The following PRPF8 variants were observed in gnomAD, a reference collection of about 807,000 sequenced individuals.
PRPF8 encodes the protein pre-mRNA-processing-splicing factor 8.
PRPF8 carries 64 observed loss-of-function variants against 285.9 expected under a neutral mutation model. The ratio of observed to expected loss-of-function variants is 0.22; its 90% CI spans 0.18 to 0.28. The LOEUF is 0.28. Among genes scored for constraint, PRPF8 ranks in the 10% least tolerant of loss-of-function variants. The pLI, the probability that PRPF8 is intolerant of heterozygous loss-of-function variation, is 1.00. For missense variants in PRPF8, 1,426 were observed against 3,026.7 expected, an observed-to-expected ratio of 0.47 and a Z score of 12.41; for synonymous variants, 1,325 against 1,118.2, an observed-to-expected ratio of 1.18 and a Z score of -3.69.
rs374611477 is a variant in PRPF8, at chr17:1,658,664, C to T, written c.5238G>A (p.Arg1746=). 7.4e-6 allele frequency: 12 copies of T among 1,614,218 alleles called. No individual in the cohort carries two copies. The African/African-American group carries it at 1.1e-4, about 14-fold the overall frequency. Residue 1746 remains arginine (R), a synonymous_variant, in exon 33 of 43, where the codon CGG becomes CGA. Transcript: ENST00000304992. The surrounding 1 kb of genome is among the most constrained non-coding windows in gnomAD (Gnocchi z 4.1). ...AATAGAGCTGTAGCCCCTTGCGGAT[C>T]CGTTCACGTAACACATACAGGGCAG... ...ANPALYVLRE[R]IRKGLQLYSS... is the part of the protein sequence containing the mutation.
chr17:1,658,851 G>C lies in PRPF8; in HGVS notation c.5139-88C>G, dbSNP rs747963983. The C allele has an allele frequency of 3.4e-6, 4 of 1,170,832 alleles. No individual in the cohort carries two copies. The highest frequency in any genetic ancestry group is 1.2e-5 in the South Asian group (1 of 80,744). 72.5% of individuals were successfully genotyped at this position (1,170,832 alleles called of 1,614,324 possible). A position where few individuals can be genotyped will look rare whatever the true frequency, so the allele number is the denominator to read the frequency against. ...GCTGCCAACTCTACAGAGGAAGAAA[G>C]ACTGTTCGCCAGGCTGACAACACTC... is the stretch of plus-strand genomic sequence containing the variant. On this transcript the variant is annotated intron_variant, in intron 32 of 42. Coordinates refer to ENST00000304992, the MANE Select transcript of PRPF8 (RefSeq NM_006445.4). This position sits in a 1 kb window ranked among gnomAD's most constrained non-coding sequence, Gnocchi z 4.1.
Position 1,659,134 on chromosome 17 carries a change from T to G in PRPF8, c.5138+223A>C. The G allele has an allele frequency of 1.5e-6, 1 of 659,878 alleles. No homozygotes were observed. Among genetic ancestry groups the G allele is most frequent in the South Asian group, 1.7e-5 (1 of 58,962 alleles). The allele number at this position is 659,878 out of a possible 1,614,324, so 40.9% of individuals were successfully genotyped here. On this transcript the variant is annotated intron_variant, in intron 32 of 42. Coordinates refer to ENST00000304992, the MANE Select transcript of PRPF8 (RefSeq NM_006445.4). The surrounding 1 kb of genome is among the most constrained non-coding windows in gnomAD (Gnocchi z 5.1). ...TCCGCCTCCCGGGTTCAAGTAATTC[T>G]CCCACCTCAACCTTCTGAGTAGCTG... is the stretch of plus-strand genomic sequence containing the variant.
At chr17:1,657,502 C>T (rs553294125) in intron 34 of PRPF8, among the ~76,000 whole-genome samples, 12 of 151,472 alleles carry the variant, frequency 7.9e-5, no homozygotes, top group Admixed American at 2.0e-4. Flanking sequence ...AAAATTTAGC[C>T]GGGCGTGGTG....
At position 1,661,145 on chromosome 17, in the gene PRPF8, C is replaced by T. The variant is rs779354849; in HGVS notation, c.4356G>A (p.Pro1452=). Residue 1452 remains proline, a synonymous_variant, in exon 28 of 43, where the codon CCG becomes CCA. Transcript: ENST00000304992. The surrounding 1 kb of genome is among the most constrained non-coding windows in gnomAD (Gnocchi z 7.3). ...CATGCCGCTGGTGTGTCCACCAGAA[C>T]GGATTCTGCTTCAAAACCTAGATGG... The part of the protein sequence containing the change: ...FKQYQVLKQN[P]FWWTHQRHDG... The T allele has an allele frequency of 4.3e-6, 7 of 1,614,032 alleles. No homozygotes were observed. The highest frequency in any genetic ancestry group is 2.7e-5 in the African/African-American group (2 of 74,912).
chr17:1,670,510 CAG>C (rs1273803212), intron 24 of PRPF8, among the ~76,000 whole-genome samples: 1 of 152,124 alleles, frequency 6.6e-6, no homozygotes, highest in Non-Finnish European at 1.5e-5. Flanking sequence ...TTTTTGGAGA[CAG>C]AGTCTCACCC....
chr17:1,668,566 G>A (rs540939261), intron 24 of PRPF8, among the ~76,000 whole-genome samples: 3 of 151,686 alleles, frequency 2.0e-5, no homozygotes, highest in South Asian at 4.2e-4. Flanking sequence ...GTTTCACCGC[G>A]TTAGCCAGGA....
At chr17:1,652,904 T>C (rs2151110732) in intron 39 of PRPF8, 1 of 166,652 alleles carries the variant, frequency 6.0e-6, no homozygotes, top group Non-Finnish European at 1.3e-5. Flanking sequence ...AACCTCATCC[T>C]CCTGAGTAGC....
chr17:1,677,764 G>C, intron 13 of PRPF8, 70 bp from the exon 14 acceptor site: 1 of 1,593,104 alleles, frequency 6.3e-7, no homozygotes, highest in East Asian at 2.2e-5. Flanking sequence ...AACCTGGGCA[G>C]AGGTGGGGCA....
In PRPF8 at chr17:1,674,811, C is replaced by A. The variant is rs1912524345; in HGVS notation, c.3061-131G>T. 4.0e-6 allele frequency: 4 copies of A among 995,352 alleles called. No homozygotes were observed. The East Asian group carries it at 9.5e-5, about 24-fold the overall frequency. 61.7% of individuals were successfully genotyped at this position (995,352 alleles called of 1,614,324 possible). On this transcript the variant is annotated intron_variant, in intron 20 of 42. Transcript: ENST00000304992. ...CCCGAGGCGGAGTTGTGCTCAGTCA[C>A]CCAGGCTGAGAGTGCACTGGCGCAA... is the stretch of plus-strand genomic sequence containing the variant.
At position 1,684,784 on chromosome 17, in the gene PRPF8, C is replaced by T. The variant is rs926673140; in HGVS notation, c.-16G>A. ...CCTTAAACGCCTGCCACGCACCCCA[C>T]AGGCCCTCACACAAGAGGCCGCTTT... On this transcript the variant is annotated 5_prime_UTR_variant, in exon 1 of 43. The change creates a new upstream start codon in the 5' untranslated region. Transcript: ENST00000304992. 1.6e-6 allele frequency: 1 copy of T among 608,292 alleles called. No individual in the cohort carries two copies. Among genetic ancestry groups the T allele is most frequent in the Non-Finnish European group, 2.9e-6 (1 of 340,152 alleles). 37.7% of individuals were successfully genotyped at this position (608,292 alleles called of 1,614,324 possible).
Position 1,659,640 on chromosome 17 carries a change from C to G in PRPF8, c.4947-92G>C. The G allele has an allele frequency of 1.3e-6, 2 of 1,486,970 alleles. No individual in the cohort carries two copies. The highest frequency in any genetic ancestry group is 1.9e-6 in the Non-Finnish European group (2 of 1,077,604). The allele number at this position is 1,486,970 out of a possible 1,614,324, so 92.1% of individuals were successfully genotyped here. A position where few individuals can be genotyped will look rare whatever the true frequency, so the allele number is the denominator to read the frequency against. The stretch of plus-strand genomic sequence containing the variant: ...CCACTTAAATCCCAAAACCATCCCA[C>G]CCACTCCACCAACTTGTTCCAGGTC... On this transcript the variant is annotated intron_variant, in intron 31 of 42. Coordinates refer to ENST00000304992, the MANE Select transcript of PRPF8 (RefSeq NM_006445.4). This position sits in a 1 kb window ranked among gnomAD's most constrained non-coding sequence, Gnocchi z 5.1.
intron 2 of PRPF8, among the ~76,000 whole-genome samples, chr17:1,684,171 G>A (rs1351031486): frequency 2.0e-5 from 3 of 152,138 alleles, no homozygotes; most frequent in South Asian, 2.1e-4. Flanking sequence ...ACAACCGTGA[G>A]CCACCGCGCC....
In PRPF8 at chr17:1,676,945, T is replaced by A; in HGVS notation, c.2181+31A>T. 2 of 1,611,246 alleles carry A rather than the reference T, an allele frequency of 1.2e-6. No homozygotes were observed. Among genetic ancestry groups the A allele is most frequent in the Admixed American group, 3.3e-5 (2 of 60,020 alleles). Reference sequence around the variant, plus strand: ...TAATCCTACCCTAAAGACGGATGTTTACGCCTCCAAGGAAATAAAGAGACA... The same window carrying A: ...TAATCCTACCCTAAAGACGGATGTTAACGCCTCCAAGGAAATAAAGAGACA... On this transcript the variant is annotated intron_variant, in intron 15 of 42. Coordinates refer to ENST00000304992, the MANE Select transcript of PRPF8 (RefSeq NM_006445.4). The surrounding 1 kb of genome is among the most constrained non-coding windows in gnomAD (Gnocchi z 6.3).
chr17:1,660,394 ACT>A (rs1437819535), intron 30 of PRPF8, 36 bp downstream of exon 30: 5 of 1,612,780 alleles, frequency 3.1e-6, no homozygotes, highest in East Asian at 4.5e-5. Flanking sequence ...ACCTGAGCTG[ACT>A]CTCTACAGTA....
chr17:1,669,582 A>G (rs532400069), intron 24 of PRPF8, among the ~76,000 whole-genome samples: 41 of 152,132 alleles, frequency 2.7e-4, no homozygotes, highest in African/African-American at 8.9e-4. Flanking sequence ...CCACTCACTC[A>G]CTTCCCATGA....
rs1194547254 is a variant in PRPF8, at chr17:1,658,767, T to A, written c.5139-4A>T. 1.5e-5 allele frequency: 25 copies of A among 1,613,546 alleles called. No homozygotes were observed. Among genetic ancestry groups the A allele is most frequent in the Non-Finnish European group, 2.1e-5 (25 of 1,179,530 alleles). On this transcript the variant is annotated splice_region_variant and splice_polypyrimidine_tract_variant and intron_variant, in intron 32 of 42. Coordinates refer to ENST00000304992, the MANE Select transcript of PRPF8 (RefSeq NM_006445.4). The surrounding 1 kb of genome is among the most constrained non-coding windows in gnomAD (Gnocchi z 4.1). ...TGGGAACCAGTTTCCATAGGCACTG[T>A]GAGGATAAAAGGGTCAAGAAAAGTT...
In PRPF8 at chr17:1,656,580, A is replaced by C; in HGVS notation, c.5620-15T>G. ...AGTAAGTGCACCTAAGACAAGATCAAGTCCAAGATGAGAAACAGCCTGAAG... is the reference window on the plus strand; with the variant it reads ...AGTAAGTGCACCTAAGACAAGATCACGTCCAAGATGAGAAACAGCCTGAAG... On this transcript the variant is annotated splice_polypyrimidine_tract_variant and intron_variant, in intron 35 of 42. Transcript: ENST00000304992. The C allele has an allele frequency of 6.2e-7, 1 of 1,614,158 alleles. No individual in the cohort carries two copies. The highest frequency in any genetic ancestry group is 8.5e-7 in the Non-Finnish European group (1 of 1,180,020).
intron 14 of PRPF8, 105 bp from the exon 15 acceptor site, chr17:1,677,277 G>C: frequency 1.6e-6 from 2 of 1,228,644 alleles, no homozygotes; most frequent in South Asian, 2.4e-5. Flanking sequence ...ATAAAATTAG[G>C]TATTAACAAA....
intron 21 of PRPF8, 31 bp downstream of exon 21, chr17:1,674,411 T>C: frequency 1.3e-6 from 2 of 1,593,618 alleles, no homozygotes; most frequent in Non-Finnish European, 1.7e-6. Context: ...CTCAGTACCC[T>C]GCAAGGCTAG....
Sources: gnomAD v4.1 joint callset for allele counts (sites outside exome capture counted in the v4.1 genomes callset) on GRCh38, gnomAD v4.1.1 for gene constraint, Gnocchi (gnomAD v3.1) non-coding constraint, MANE v1.5 for transcripts, NCBI Gene and HGNC (gene_info 2026-07-23, HGNC 2026-07-21) for gene names.